The following PPP2R5C variants were observed in gnomAD, a reference collection of about 807,000 sequenced individuals.
PPP2R5C encodes the protein serine/threonine-protein phosphatase 2A 56 kDa regulatory subunit gamma isoform.
In PPP2R5C, 7 loss-of-function variants were observed where a neutral mutation model predicts 68.9. That is an observed-to-expected ratio of 0.10 (90% confidence interval 0.06 to 0.19). The LOEUF (loss-of-function observed/expected upper bound fraction) is 0.19, where lower values mean the gene tolerates loss of function less well. PPP2R5C is among the 10% of genes least tolerant of loss of function. PPP2R5C has a pLI of 1.00. For synonymous variants in PPP2R5C, 210 were observed against 222.2 expected (o/e 0.95, Z 0.49); for missense variants, 348 against 641.3 (o/e 0.54, Z 4.94).
chr14:101,921,154 G>A, intron 13 of PPP2R5C: 1 of 244,770 alleles, frequency 4.1e-6, no homozygotes, highest in South Asian at 3.3e-5. Flanking sequence ...TGCAGCCTCG[G>A]CCTCCTGGAC....
At chr14:101,885,893 A>G (rs2140921145) in intron 5 of PPP2R5C, among the ~76,000 whole-genome samples, 1 of 152,384 alleles carries the variant, frequency 6.6e-6, no homozygotes, top group South Asian at 2.1e-4. Flanking sequence ...TTGACCTAAA[A>G]TTAAAGCTCT....
intron 11 of PPP2R5C, 84 bp downstream of exon 13, chr14:101,909,774 A>G (rs750503851): frequency 2.4e-5 from 24 of 1,002,094 alleles, no homozygotes; most frequent in Middle Eastern, 6.3e-4. Context: ...TTGTCCTAAA[A>G]CGGTATTCTT....
chr14:101,894,624 C>A, intron 8 of PPP2R5C, 64 bp downstream of exon 10: 3 of 1,456,266 alleles, frequency 2.1e-6, no homozygotes, highest in African/African-American at 1.4e-5. Flanking sequence ...AATATTACAA[C>A]ATCTGCTTCA....
intron 1 of PPP2R5C, among the ~76,000 whole-genome samples, chr14:101,854,742 C>G (rs1451515448): frequency 6.6e-6 from 1 of 152,138 alleles, no homozygotes; most frequent in Non-Finnish European, 1.5e-5. Flanking sequence ...AAAGAGCACT[C>G]TTTATGTGAA....
At chr14:101,765,682 C>G (rs1255234227) in intron 2 of PPP2R5C, 2 of 152,830 alleles carry the variant, frequency 1.3e-5, no homozygotes, top group Admixed American at 1.3e-4. Context: ...ATCCTCTTGC[C>G]TCAGCCTCCC....
chr14:101,840,466 C>T (rs1184526189), intron 1 of PPP2R5C, among the ~76,000 whole-genome samples: 2 of 142,948 alleles, frequency 1.4e-5, no homozygotes, highest in Admixed American at 1.4e-4. Context: ...CCAGCACCAC[C>T]TGCTCCCCCC....
At chr14:101,821,162 A>G (rs1285923721) in intron 1 of PPP2R5C, 13 of 152,152 alleles carry the variant, frequency 8.5e-5, no homozygotes, top group East Asian at 1.9e-4. Flanking sequence ...CTCTGGGACC[A>G]TGAGAGCTGA....
intron 2 of PPP2R5C, chr14:101,766,900 C>G (rs947818539): frequency 2.6e-5 from 4 of 152,180 alleles, no homozygotes; most frequent in Admixed American, 2.6e-4. Context: ...TCCTCAAGTC[C>G]ATTTTGTAAG....
At position 101,916,140 on chromosome 14, in the gene PPP2R5C, T is replaced by C. The variant is rs2046654728; in HGVS notation, c.1327-1691T>C. ...AAAGGGCAAAATGGCCCAGCCCGAC[T>C]TGCATTTTTGCAAGCTCTTTGGCGC... is the stretch of plus-strand genomic sequence containing the variant. On this transcript the variant is annotated intron_variant, in intron 12 of 13. Coordinates refer to ENST00000334743, the Ensembl canonical transcript of PPP2R5C. This position sits in a 1 kb window ranked among gnomAD's most constrained non-coding sequence, Gnocchi z 5.5. Among the ~76,000 whole-genome samples, 1 of 152,196 alleles carries C rather than the reference T, an allele frequency of 6.6e-6. No individual in the cohort carries two copies. Among genetic ancestry groups the C allele is most frequent in the Admixed American group, 6.5e-5 (1 of 15,290 alleles).
At chr14:101,886,704 A>G (rs1013667071) in intron 5 of PPP2R5C, among the ~76,000 whole-genome samples, 1 of 152,070 alleles carries the variant, frequency 6.6e-6, no homozygotes, top group Non-Finnish European at 1.5e-5. Context: ...CAGCTCATCT[A>G]GGTTTTTTTC....
intron 1 of PPP2R5C, among the ~76,000 whole-genome samples, chr14:101,838,086 AGAG>A (rs1441061352): frequency 6.6e-6 from 1 of 152,264 alleles, no homozygotes. Context: ...TAAACACTAA[AGAG>A]GTAGCAAAGA....
chr14:101,805,362 A>C (rs1595208391), upstream of PPP2R5C, among the ~76,000 whole-genome samples: 2 of 152,260 alleles, frequency 1.3e-5, no homozygotes, highest in Middle Eastern at 6.8e-3. Flanking sequence ...GAGCCACCAC[A>C]CCCGGCCCTG....
intron 1 of PPP2R5C, among the ~76,000 whole-genome samples, chr14:101,841,977 A>G (rs2041502521): frequency 6.6e-6 from 1 of 152,038 alleles, no homozygotes; most frequent in African/African-American, 2.4e-5. Context: ...GCTCCTGTGG[A>G]GAGTCCAGCT....
intron 1 of PPP2R5C, among the ~76,000 whole-genome samples, chr14:101,810,523 T>C (rs909670801): frequency 6.6e-6 from 1 of 152,226 alleles, no homozygotes; most frequent in Non-Finnish European, 1.5e-5. Flanking sequence ...GGAAAAGAAC[T>C]TCCTTTAAAA....
At chr14:101,818,658 T>G in intron 1 of PPP2R5C, 1 of 194,170 alleles carries the variant, frequency 5.2e-6, no homozygotes, top group Non-Finnish European at 1.1e-5. Flanking sequence ...AAGTGAGCAA[T>G]ATCTGTGGTT....
intron 2 of PPP2R5C, among the ~76,000 whole-genome samples, chr14:101,764,314 A>T (rs1046693826): frequency 7.2e-5 from 11 of 152,216 alleles, no homozygotes; most frequent in Non-Finnish European, 1.6e-4. Flanking sequence ...CATGGGTAGC[A>T]CATAATTGGG....
intron 1 of PPP2R5C, among the ~76,000 whole-genome samples, chr14:101,838,285 G>A (rs544547562): frequency 1.3e-5 from 2 of 152,334 alleles, no homozygotes; most frequent in African/African-American, 4.8e-5. Flanking sequence ...ATCATAGCGT[G>A]TAAGAAGTAG....
upstream of PPP2R5C, chr14:101,809,721 A>C: frequency 1.1e-6 from 1 of 947,718 alleles, no homozygotes; most frequent in South Asian, 2.3e-5. Flanking sequence ...CTTTTAAGGC[A>C]CACTGACAGC....
Position 101,797,102 on chromosome 14 carries a change from G to T in PPP2R5C, c.259+10919G>T, listed in dbSNP as rs2038647131. ...CAGTAAGTGGCTGTCTCCCCATTCT[G>T]CTTTCTGTCTCTATGATTTTGCCCA... is the stretch of plus-strand genomic sequence containing the variant. On this transcript the variant is annotated intron_variant, in intron 3 of 14. Transcript: ENST00000328724. This position sits in a 1 kb window ranked among gnomAD's most constrained non-coding sequence, Gnocchi z 4.2. 6.6e-6 allele frequency: 3 copies of T among 453,880 alleles called. No homozygotes were observed. The highest frequency in any genetic ancestry group is 2.4e-5 in the Admixed American group (1 of 42,486). The allele number at this position is 453,880 out of a possible 1,614,324, so 28.1% of individuals were successfully genotyped here.
Sources: allele counts gnomAD v4.1 joint callset (sites outside exome capture counted in the v4.1 genomes callset), GRCh38; gene constraint gnomAD v4.1.1; non-coding constraint Gnocchi (gnomAD v3.1); transcripts MANE v1.5; gene names NCBI Gene and HGNC (gene_info 2026-07-23, HGNC 2026-07-21).